The following HECW1 variants were observed in gnomAD, a reference collection of about 807,000 sequenced individuals.
The protein encoded by HECW1 is E3 ubiquitin-protein ligase HECW1.
In HECW1, 61 loss-of-function variants were observed where a neutral mutation model predicts 182.3. That is an observed-to-expected ratio of 0.33 (90% CI 0.27 to 0.41). The LOEUF (loss-of-function observed/expected upper bound fraction) is 0.41. HECW1 is among the 10% of genes least tolerant of loss of function. The probability of loss-of-function intolerance (pLI) is 1.00; values close to 1 mark genes in which losing one functional copy is unlikely to be tolerated. For missense variants in HECW1, 1,739 were observed against 2,108.9 expected (o/e 0.82, Z 3.44); for synonymous variants, 859 against 832.6 (o/e 1.03, Z -0.55).
At chr7:43,210,545 G>A (rs1444789773) in intron 2 of HECW1, among the ~76,000 whole-genome samples, 1 of 151,966 alleles carries the variant, frequency 6.6e-6, no homozygotes, top group Admixed American at 6.6e-5. Context: ...CAAGATGGCT[G>A]CAAGCCTCGT....
intron 5 of HECW1, among the ~76,000 whole-genome samples, chr7:43,331,096 G>A (rs1380762038): frequency 1.3e-5 from 2 of 151,834 alleles, no homozygotes; most frequent in East Asian, 1.9e-4. Context: ...TTAACTCGTC[G>A]TTTACATTAG....
At chr7:43,506,025 T>A (rs1027652510) in intron 21 of HECW1, among the ~76,000 whole-genome samples, 1 of 152,228 alleles carries the variant, frequency 6.6e-6, no homozygotes, top group African/African-American at 2.4e-5. Context: ...CATCCTTTTT[T>A]AAATTAAAAG....
At chr7:43,456,568 A>T (rs2077410972) in intron 13 of HECW1, 121 bp downstream of exon 13, 1 of 916,670 alleles carries the variant, frequency 1.1e-6, no homozygotes, top group East Asian at 3.0e-5. Flanking sequence ...GTAATTAAGT[A>T]TCTTAAGAAA....
At chr7:43,161,451 C>CT (rs1790517293) in intron 2 of HECW1, among the ~76,000 whole-genome samples, 1 of 152,114 alleles carries the variant, frequency 6.6e-6, no homozygotes, top group South Asian at 2.1e-4. Flanking sequence ...AATTACAGTG[C>CT]TTGGTGCACA....
intron 24 of HECW1, among the ~76,000 whole-genome samples, chr7:43,519,803 C>T (rs545648761): frequency 3.9e-5 from 6 of 152,226 alleles, no homozygotes; most frequent in East Asian, 1.9e-4. Context: ...GCATGAAAAA[C>T]GCAATTCAAA....
chr7:43,381,665 A>G (rs1306340145), intron 6 of HECW1, among the ~76,000 whole-genome samples: 1 of 152,076 alleles, frequency 6.6e-6, no homozygotes, highest in Admixed American at 6.6e-5. Context: ...CTGGGATTAC[A>G]GGCATGTGCC....
chr7:43,408,557 G>A (rs913343542), intron 8 of HECW1, among the ~76,000 whole-genome samples: 1 of 152,088 alleles, frequency 6.6e-6, no homozygotes, highest in South Asian at 2.1e-4. Context: ...CTGGCGGTGT[G>A]TGCCTGTGGT....
intron 6 of HECW1, among the ~76,000 whole-genome samples, chr7:43,388,810 A>G (rs1176804444): frequency 1.3e-5 from 2 of 152,184 alleles, no homozygotes; most frequent in African/African-American, 2.4e-5. Flanking sequence ...GAGCCAAAGA[A>G]AACCCCAACA....
chr7:43,518,602 A>C (rs1162646305), intron 24 of HECW1, among the ~76,000 whole-genome samples: 1 of 152,246 alleles, frequency 6.6e-6, no homozygotes, highest in Non-Finnish European at 1.5e-5. Flanking sequence ...TAATCTTTGC[A>C]ACTCAAGAAA....
intron 3 of HECW1, among the ~76,000 whole-genome samples, chr7:43,267,888 T>G (rs997943983): frequency 6.6e-6 from 1 of 152,202 alleles, no homozygotes; most frequent in Non-Finnish European, 1.5e-5. Flanking sequence ...ACTGAAGTTA[T>G]GAACATAACT....
At chr7:43,441,778 C>T (rs1277084547) in intron 9 of HECW1, among the ~76,000 whole-genome samples, 1 of 152,252 alleles carries the variant, frequency 6.6e-6, no homozygotes, top group Non-Finnish European at 1.5e-5. Flanking sequence ...ATAATTTTCA[C>T]ATGCTACAAA....
chr7:43,494,124 G>A (rs536420118), intron 19 of HECW1, among the ~76,000 whole-genome samples: 57 of 152,122 alleles, frequency 3.7e-4, no homozygotes, highest in African/African-American at 1.3e-3. Context: ...TGCCACTCCC[G>A]CCAGAATGGA....
rs185279259 is a variant in HECW1, at chr7:43,261,848, G to T, written c.27+17916G>T. 6.4e-4 allele frequency among the ~76,000 whole-genome samples: 98 copies of T among 151,992 alleles called. 1 individual carries two copies. The highest frequency in any genetic ancestry group is 2.2e-3 in the African/African-American group (92 of 41,448). On this transcript the variant is annotated intron_variant, in intron 3 of 29. Transcript: ENST00000395891. ...AACTGGCAGGTTTTTGCTTTGTTTT[G>T]TTTTTTATTTTTTATTTTTTATTTT... is the stretch of plus-strand genomic sequence containing the variant.
At chr7:43,148,168 G>C (rs545705266) in intron 2 of HECW1, among the ~76,000 whole-genome samples, 3 of 152,264 alleles carry the variant, frequency 2.0e-5, no homozygotes, top group Admixed American at 1.3e-4. Context: ...AGGGAGAGGT[G>C]AGCTATAAAA....
chr7:43,368,981 G>T (rs1236794549), intron 6 of HECW1, among the ~76,000 whole-genome samples: 3 of 152,160 alleles, frequency 2.0e-5, no homozygotes, highest in Admixed American at 6.5e-5. Context: ...TTCTATGTTT[G>T]TAAGAGCCAC....
At chr7:43,122,250 A>G (rs1471080248) in intron 2 of HECW1, among the ~76,000 whole-genome samples, 1 of 152,226 alleles carries the variant, frequency 6.6e-6, no homozygotes, top group African/African-American at 2.4e-5. Context: ...AGTTTTCTGC[A>G]GCGTGAATCC....
chr7:43,327,061 G>T (rs1001006516), intron 5 of HECW1, among the ~76,000 whole-genome samples: 1 of 152,230 alleles, frequency 6.6e-6, no homozygotes, highest in African/African-American at 2.4e-5. Context: ...GGACTGCACC[G>T]CGGGCTGCCA....
chr7:43,479,470 T>TA, intron 16 of HECW1, 140 bp from the exon 17 acceptor site: 2 of 1,047,050 alleles, frequency 1.9e-6, no homozygotes, highest in Non-Finnish European at 2.8e-6. Context: ...TTGAGTAGAT[T>TA]AAAAAAGGAA....
chr7:43,198,544 C>T (rs1042260410), intron 2 of HECW1, among the ~76,000 whole-genome samples: 2 of 151,026 alleles, frequency 1.3e-5, no homozygotes, highest in African/African-American at 2.4e-5. Flanking sequence ...ACACTCCACA[C>T]TCTCACACAC....
Sources: allele counts gnomAD v4.1 joint callset (sites outside exome capture counted in the v4.1 genomes callset), GRCh38; gene constraint gnomAD v4.1.1; transcripts MANE v1.5; gene names NCBI Gene and HGNC (gene_info 2026-07-23, HGNC 2026-07-21).